Variants in GRXCR1 observed in about 807,000 individuals in gnomAD.
The protein encoded by GRXCR1 is glutaredoxin and cysteine rich domain containing 1, also known as glutaredoxin domain-containing cysteine-rich protein 1.
Under a neutral mutation model 27.3 loss-of-function variants are expected in GRXCR1, and 27 were observed. The observed-to-expected ratio is 0.99, with a 90% CI of 0.73 to 1.37. GRXCR1 has a LOEUF of 1.37. GRXCR1 is among the 40% of genes most tolerant of loss of function. The probability of loss-of-function intolerance (pLI) is 0.00; values close to 1 mark genes in which losing one functional copy is unlikely to be tolerated. For missense variants in GRXCR1, 379 were observed against 354.4 expected (o/e 1.07, Z -0.56); for synonymous variants, 122 against 131.1 (o/e 0.93, Z 0.47).
At chr4:42,972,084 G>A (rs543736882) in intron 2 of GRXCR1, among the ~76,000 whole-genome samples, 2 of 152,158 alleles carry the variant, frequency 1.3e-5, no homozygotes, top group South Asian at 4.1e-4. Context: ...TTTTGTAGAG[G>A]TGGGGTTTCA....
At chr4:42,965,018 C>A (rs1263396795) in intron 2 of GRXCR1, among the ~76,000 whole-genome samples, 2 of 152,184 alleles carry the variant, frequency 1.3e-5, no homozygotes, top group African/African-American at 4.8e-5. Context: ...TAGTGGGCAA[C>A]TGCCTTCAAT....
chr4:42,973,538 A>G (rs958222757), intron 2 of GRXCR1, among the ~76,000 whole-genome samples: 5 of 151,580 alleles, frequency 3.3e-5, no homozygotes, highest in African/African-American at 4.9e-5. Flanking sequence ...TCTTATTCCA[A>G]TACTCTGCTT....
intron 2 of GRXCR1, among the ~76,000 whole-genome samples, chr4:43,007,932 G>A (rs1712616260): frequency 6.6e-6 from 1 of 152,072 alleles, no homozygotes; most frequent in East Asian, 1.9e-4. Context: ...TGCCCATTTT[G>A]TTTCATTTTT....
rs118031849 is a variant in GRXCR1 at position 42,930,286 on chromosome 4, C to G, written c.385-32606C>G. ...TTGTGCTAAAATTCCATTGGCTGTT[C>G]TCCATCATGAGGAATTTCTCTAGAC... On this transcript the variant is annotated intron_variant, in intron 1 of 3. Transcript: ENST00000399770. Among the ~76,000 whole-genome samples the G allele has an allele frequency of 1.8e-3, 268 of 152,110 alleles. 4 individuals are homozygous for G. The East Asian group carries it at 0.04, about 23-fold the overall frequency.
chr4:42,893,771 C>G, intron 1 of GRXCR1, 121 bp downstream of exon 1: 1 of 918,182 alleles, frequency 1.1e-6, no homozygotes, highest in Admixed American at 1.7e-5. Flanking sequence ...TCATGAGACG[C>G]TCCTCCACCT....
rs141062922 is a variant in GRXCR1 at position 42,938,736 on chromosome 4, C to A, written c.385-24156C>A. Among the ~76,000 whole-genome samples the A allele has an allele frequency of 3.5e-3, 531 of 151,804 alleles. 1 individual carries two copies. Among genetic ancestry groups the A allele is most frequent in the Middle Eastern group, 0.014 (4 of 294 alleles). ...TTCTGCATATGGATATTCAGTTTTCCCAGCACCATTAATTAAAGAGACAAT... is the reference window on the plus strand; with the variant it reads ...TTCTGCATATGGATATTCAGTTTTCACAGCACCATTAATTAAAGAGACAAT... On this transcript the variant is annotated intron_variant, in intron 1 of 3. Transcript: ENST00000399770.
intron 1 of GRXCR1, among the ~76,000 whole-genome samples, chr4:42,932,267 C>A (rs1212626151): frequency 1.3e-5 from 2 of 151,792 alleles, no homozygotes; most frequent in African/African-American, 2.4e-5. Flanking sequence ...TCCTGCCAGG[C>A]CTGTGCGGAT....
intron 2 of GRXCR1, among the ~76,000 whole-genome samples, chr4:42,986,531 A>G (rs1411980805): frequency 2.0e-5 from 3 of 152,130 alleles, no homozygotes; most frequent in Non-Finnish European, 2.9e-5. Context: ...GATTTCTTCA[A>G]GCTTTCTTTA....
intron 1 of GRXCR1, among the ~76,000 whole-genome samples, chr4:42,909,791 G>A (rs992702328): frequency 6.6e-6 from 1 of 152,080 alleles, no homozygotes; most frequent in Non-Finnish European, 1.5e-5. Context: ...TTTCTCTGTA[G>A]CATTTATACA....
intron 3 of GRXCR1, among the ~76,000 whole-genome samples, 199 bp downstream of exon 3, chr4:43,020,618 A>C (rs912897055): frequency 6.6e-6 from 1 of 152,158 alleles, no homozygotes; most frequent in Non-Finnish European, 1.5e-5. Flanking sequence ...ACTTCTAATG[A>C]TCTCATACTA....
intron 1 of GRXCR1, among the ~76,000 whole-genome samples, chr4:42,910,132 C>T (rs745892566): frequency 6.1e-4 from 93 of 151,924 alleles, no homozygotes; most frequent in Non-Finnish European, 7.1e-4. Flanking sequence ...AGGAAGTTGC[C>T]AAACACTTAA....
At chr4:42,991,254 A>C (rs915423430) in intron 2 of GRXCR1, among the ~76,000 whole-genome samples, 4 of 152,060 alleles carry the variant, frequency 2.6e-5, no homozygotes, top group Non-Finnish European at 4.4e-5. Context: ...TTGTAAACAA[A>C]AACATAATTG....
chr4:42,924,216 T>G (rs1387050934), intron 1 of GRXCR1, among the ~76,000 whole-genome samples: 1 of 152,136 alleles, frequency 6.6e-6, no homozygotes, highest in Non-Finnish European at 1.5e-5. Context: ...CAAGTGCTCA[T>G]TAACTACTGT....
chr4:42,904,048 G>A (rs1746529445), intron 1 of GRXCR1, among the ~76,000 whole-genome samples: 1 of 152,132 alleles, frequency 6.6e-6, no homozygotes, highest in African/African-American at 2.4e-5. Context: ...CCTCCATGTA[G>A]GAATGGACAG....
intron 2 of GRXCR1, among the ~76,000 whole-genome samples, chr4:43,010,395 C>A (rs768468429): frequency 1.4e-5 from 2 of 147,694 alleles, no homozygotes; most frequent in African/African-American, 2.6e-5. Context: ...AAGAGAGAAA[C>A]TCCATCTCAA....
intron 2 of GRXCR1, among the ~76,000 whole-genome samples, chr4:43,000,495 A>AAAAAG (rs1712317880): frequency 6.7e-6 from 1 of 148,632 alleles, no homozygotes. Context: ...AAAAAAAAAA[A>AAAAAG]AAGAAGGCAT....
chr4:42,939,966 G>T (rs1318540488), intron 1 of GRXCR1, among the ~76,000 whole-genome samples: 1 of 151,784 alleles, frequency 6.6e-6, no homozygotes, highest in Non-Finnish European at 1.5e-5. Context: ...GGGCCGAGTG[G>T]GAGCAATGTC....
intron 3 of GRXCR1, among the ~76,000 whole-genome samples, chr4:43,025,101 T>C (rs1713211199): frequency 6.6e-6 from 1 of 152,044 alleles, no homozygotes; most frequent in Non-Finnish European, 1.5e-5. Flanking sequence ...TAACTGGGGG[T>C]AAACTTACAT....
intron 2 of GRXCR1, among the ~76,000 whole-genome samples, chr4:43,009,060 A>G (rs1163514326): frequency 2.0e-5 from 3 of 152,198 alleles, no homozygotes; most frequent in African/African-American, 7.2e-5. Flanking sequence ...GCAACCTTGT[A>G]TGTTTCAGAA....
Sources: gnomAD v4.1 joint callset for allele counts (sites outside exome capture counted in the v4.1 genomes callset) on GRCh38, gnomAD v4.1.1 for gene constraint, MANE v1.5 for transcripts, NCBI Gene and HGNC (gene_info 2026-07-23, HGNC 2026-07-21) for gene names.